ZBTB20: variants seen among roughly 807,000 people sequenced by gnomAD.
The protein encoded by ZBTB20 is zinc finger and BTB domain-containing protein 20.
ZBTB20 carries 9 observed loss-of-function variants against 56.9 expected under a neutral mutation model. The observed-to-expected ratio is 0.16, with a 90% CI of 0.10 to 0.28. ZBTB20 has a LOEUF of 0.28. Ranked by LOEUF, ZBTB20 falls within the 10% of genes least tolerant of loss-of-function variation. The pLI is 1.00. For missense variants in ZBTB20, 655 were observed against 1,003.0 expected (o/e 0.65, Z 4.69); for synonymous variants, 417 against 420.7 (o/e 0.99, Z 0.11).
At chr3:115,105,563 T>C (rs559308549) in intron 1 of ZBTB20, among the ~76,000 whole-genome samples, 1 of 152,272 alleles carries the variant, frequency 6.6e-6, no homozygotes, top group South Asian at 2.1e-4. Flanking sequence ...CACAGAATAG[T>C]GAAAATTTGC....
chr3:114,939,123 C>G (rs911930395), intron 3 of ZBTB20, among the ~76,000 whole-genome samples: 4 of 145,886 alleles, frequency 2.7e-5, no homozygotes, highest in Non-Finnish European at 5.9e-5. Flanking sequence ...ATGCTCTCTA[C>G]AAAAGCTCCT....
rs546132001 is a variant in ZBTB20, at chr3:114,606,816, C to T, written c.-295+86712G>A. On this transcript the variant is annotated intron_variant, in intron 6 of 11. Coordinates refer to ENST00000675478, the MANE Select transcript of ZBTB20 (RefSeq NM_001348800.3). ...ATATTTAAAAAAAACATTTTTGCGG[C>T]CAGGCACTGTGCCTCACTCTTGTAA... is the stretch of plus-strand genomic sequence containing the variant. Among the ~76,000 whole-genome samples the T allele has an allele frequency of 2.0e-5, 3 of 152,208 alleles. No homozygotes were observed. The South Asian group carries it at 6.2e-4, about 32-fold the overall frequency.
chr3:115,136,826 T>G (rs1285012173), intron 1 of ZBTB20, among the ~76,000 whole-genome samples: 1 of 152,110 alleles, frequency 6.6e-6, no homozygotes, highest in Non-Finnish European at 1.5e-5. Context: ...AGTATTGCCT[T>G]GCTCTCAATC....
At chr3:114,990,869 C>T (rs1320663301) in intron 2 of ZBTB20, among the ~76,000 whole-genome samples, 1 of 152,140 alleles carries the variant, frequency 6.6e-6, no homozygotes, top group Non-Finnish European at 1.5e-5. Flanking sequence ...TCCATTTCTG[C>T]TAGATTTTCT....
At chr3:114,868,365 C>T (rs1443543743) in intron 4 of ZBTB20, among the ~76,000 whole-genome samples, 4 of 152,160 alleles carry the variant, frequency 2.6e-5, no homozygotes, top group African/African-American at 9.7e-5. Flanking sequence ...TTTCTGTACT[C>T]TTAGTCTGCC....
intron 5 of ZBTB20, among the ~76,000 whole-genome samples, chr3:114,699,698 G>A (rs2063278021): frequency 6.6e-6 from 1 of 151,872 alleles, no homozygotes; most frequent in South Asian, 2.1e-4. Flanking sequence ...TCTCTCTCTT[G>A]GTCATCTATT....
chr3:115,057,964 G>A (rs993877276), intron 2 of ZBTB20, among the ~76,000 whole-genome samples: 4 of 152,148 alleles, frequency 2.6e-5, no homozygotes, highest in African/African-American at 7.2e-5. Context: ...CATGATGGAA[G>A]AGGAGGCAAA....
intron 6 of ZBTB20, among the ~76,000 whole-genome samples, chr3:114,635,437 A>G (rs2059207243): frequency 6.6e-6 from 1 of 152,192 alleles, no homozygotes; most frequent in African/African-American, 2.4e-5. Context: ...GTCATCTCCA[A>G]TAACCATCCT....
At chr3:114,913,480 G>A (rs1217066171) in intron 3 of ZBTB20, among the ~76,000 whole-genome samples, 1 of 151,840 alleles carries the variant, frequency 6.6e-6, no homozygotes, top group Admixed American at 6.6e-5. Flanking sequence ...TATTCTGGTT[G>A]TTAATCACTG....
chr3:114,629,355 T>C (rs1385346720), intron 6 of ZBTB20, among the ~76,000 whole-genome samples: 3 of 152,224 alleles, frequency 2.0e-5, no homozygotes, highest in Admixed American at 2.0e-4. Context: ...ATTAATAATC[T>C]ACAAATTCAC....
chr3:114,344,524 T>C (rs1335902894), intron 11 of ZBTB20, among the ~76,000 whole-genome samples: 1 of 152,252 alleles, frequency 6.6e-6, no homozygotes. Flanking sequence ...ACAGCATTCA[T>C]AATTAAGTGT....
At chr3:115,101,311 A>G (rs1323673851) in intron 1 of ZBTB20, among the ~76,000 whole-genome samples, 1 of 151,170 alleles carries the variant, frequency 6.6e-6, no homozygotes, top group Non-Finnish European at 1.5e-5. Context: ...CTTAAAAGAG[A>G]AAAAAAACAG....
chr3:114,715,357 T>C (rs1354382080), intron 5 of ZBTB20, among the ~76,000 whole-genome samples: 1 of 152,142 alleles, frequency 6.6e-6, no homozygotes, highest in Non-Finnish European at 1.5e-5. Flanking sequence ...CATACCTTTT[T>C]CCCCTCCGGG....
chr3:114,753,370 ATAATG>A lies in ZBTB20; in HGVS notation c.-343+47726_-343+47730del, dbSNP rs1329911155. Among the ~76,000 whole-genome samples the A allele has an allele frequency of 5.0e-4, 28 of 55,986 alleles. 2 individuals carry two copies. Among genetic ancestry groups the A allele is most frequent in the African/African-American group, 1.2e-3 (25 of 21,694 alleles). 36.7% of individuals were successfully genotyped at this position (55,986 alleles called of 152,430 possible). ...TGTATACATTATATATAATGTATATATAATGTATATACACATACATGTATGTATAT... is the reference window on the plus strand; with the variant it reads ...TGTATACATTATATATAATGTATATATATATACACATACATGTATGTATAT... On this transcript the variant is annotated intron_variant, in intron 5 of 11. Transcript: ENST00000675478.
chr3:115,051,957 C>A (rs1459832151), intron 2 of ZBTB20, among the ~76,000 whole-genome samples: 1 of 151,982 alleles, frequency 6.6e-6, no homozygotes, highest in Non-Finnish European at 1.5e-5. Flanking sequence ...CCAACCAGAT[C>A]TCGGTGAGAA....
At chr3:114,816,392 T>G (rs1426077980) in intron 4 of ZBTB20, among the ~76,000 whole-genome samples, 2 of 152,196 alleles carry the variant, frequency 1.3e-5, no homozygotes, top group Admixed American at 1.3e-4. Context: ...CCTTGAAGTT[T>G]GGAAGCTGTA....
chr3:114,397,654 C>G (rs981775933), intron 7 of ZBTB20, among the ~76,000 whole-genome samples: 9 of 151,746 alleles, frequency 5.9e-5, no homozygotes, highest in Non-Finnish European at 1.2e-4. Flanking sequence ...GTGTTTCATA[C>G]TGGAACTTCA....
Position 114,315,567 on chromosome 3 carries a change from CAGTG to C in ZBTB20, c.*23434_*23437del, listed in dbSNP as rs2078647849. The C allele has an allele frequency of 2.9e-5, 1 of 34,942 alleles. No homozygotes were observed. The highest frequency in any genetic ancestry group is 9.2e-5 in the African/African-American group (1 of 10,918). The allele number at this position is 34,942 out of a possible 1,614,324, so 2.2% of individuals were successfully genotyped here. ...TGTGTGTATTTTAGGTCTAAACATA[CAGTG>C]TGTGTGTGTGTGTGTGTGTGTGTGT... On this transcript the variant is annotated 3_prime_UTR_variant, in exon 12 of 12. Coordinates refer to ENST00000675478, the MANE Select transcript of ZBTB20 (RefSeq NM_001348800.3).
intron 6 of ZBTB20, among the ~76,000 whole-genome samples, chr3:114,629,600 C>G (rs2058829910): frequency 6.6e-6 from 1 of 151,990 alleles, no homozygotes; most frequent in Admixed American, 6.6e-5. Context: ...AAGTTTTTGT[C>G]CATCTAATAG....
Sources: allele counts gnomAD v4.1 joint callset (sites outside exome capture counted in the v4.1 genomes callset), GRCh38; gene constraint gnomAD v4.1.1; transcripts MANE v1.5; gene names NCBI Gene and HGNC (gene_info 2026-07-23, HGNC 2026-07-21).